The following TUSC3 variants were observed in gnomAD, a reference collection of about 807,000 sequenced individuals.
TUSC3 encodes tumor suppressor candidate 3.
In TUSC3, 45 loss-of-function variants were observed where a neutral mutation model predicts 44.8. The ratio of observed to expected loss-of-function variants is 1.00; its 90% CI spans 0.79 to 1.29. The LOEUF is 1.29. TUSC3 is among the 50% of genes most tolerant of loss of function. The probability of loss-of-function intolerance (pLI) is 0.00; values close to 1 mark genes in which losing one functional copy is unlikely to be tolerated. For synonymous variants in TUSC3, 212 were observed against 152.9 expected, an observed-to-expected ratio of 1.39 and a Z score of -2.85; for missense variants, 519 against 437.9, an observed-to-expected ratio of 1.19 and a Z score of -1.65.
rs1186873286 is a variant in TUSC3, at chr8:15,658,657, C to CACACACAT, written c.427-847_427-846insCACATACA. Among the ~76,000 whole-genome samples, 476 of 150,712 alleles carry CACACACAT rather than the reference C, an allele frequency of 3.2e-3. 3 individuals are homozygous for CACACACAT. The highest frequency in any genetic ancestry group is 0.01 in the African/African-American group (425 of 40,842). ...ATATATATACACACACACACACACA[C>CACACACAT]ACAAATACAATATATATACACATAC... On this transcript the variant is annotated intron_variant, in intron 3 of 10. Coordinates refer to ENST00000503731, the MANE Select transcript of TUSC3 (RefSeq NM_006765.4).
intron 6 of TUSC3, among the ~76,000 whole-genome samples, chr8:15,691,217 C>CT (rs1808885487): frequency 6.6e-6 from 1 of 151,974 alleles, no homozygotes; most frequent in African/African-American, 2.4e-5. Flanking sequence ...TTTCAGAGGT[C>CT]TTTTACCTCC....
intron 2 of TUSC3, among the ~76,000 whole-genome samples, chr8:15,513,908 G>A (rs1453076405): frequency 6.6e-6 from 1 of 152,038 alleles, no homozygotes; most frequent in Non-Finnish European, 1.5e-5. Context: ...CATCTCCTTT[G>A]CCTCATGCCT....
chr8:15,685,474 A>C (rs544815819), intron 6 of TUSC3, among the ~76,000 whole-genome samples: 24 of 152,204 alleles, frequency 1.6e-4, no homozygotes, highest in African/African-American at 5.5e-4. Flanking sequence ...CTGTTTCTAG[A>C]CATCTTGAAG....
chr8:15,661,442 T>C (rs1237263891), intron 4 of TUSC3, among the ~76,000 whole-genome samples: 1 of 152,026 alleles, frequency 6.6e-6, no homozygotes, highest in Non-Finnish European at 1.5e-5. Context: ...GTGATCCTCA[T>C]TTGATCTGCC....
chr8:15,748,359 TTC>T lies in TUSC3; in HGVS notation c.938-14_938-13del. The T allele has an allele frequency of 1.3e-6, 2 of 1,593,040 alleles. No individual in the cohort carries two copies. The highest frequency in any genetic ancestry group is 1.7e-6 in the Non-Finnish European group (2 of 1,161,072). ...CATATTTTTAGACACTAATGGTATTTTCTGTCTGTTTCTAGTAATTTGCCTAG... is the reference window on the plus strand; with the variant it reads ...CATATTTTTAGACACTAATGGTATTTTGTCTGTTTCTAGTAATTTGCCTAG... On this transcript the variant is annotated splice_polypyrimidine_tract_variant and intron_variant, in intron 8 of 10. Transcript: ENST00000503731.
chr8:15,829,511 A>G, the TUSC3 span, among the ~76,000 whole-genome samples: 1 of 152,132 alleles, frequency 6.6e-6, no homozygotes, highest in Admixed American at 6.6e-5. Context: ...GTACAGTTCA[A>G]CATAAATGAG....
chr8:15,775,653 C>CAT, the TUSC3 span, among the ~76,000 whole-genome samples: 2 of 93,118 alleles, frequency 2.1e-5, no homozygotes, highest in African/African-American at 8.3e-5. Flanking sequence ...TATATATACA[C>CAT]ACACATATAC....
intron 2 of TUSC3, among the ~76,000 whole-genome samples, chr8:15,644,946 C>G (rs553285453): frequency 6.6e-6 from 1 of 152,068 alleles, no homozygotes; most frequent in Non-Finnish European, 1.5e-5. Context: ...CCAGAGCTAT[C>G]CCTAAGTATA....
chr8:15,815,024 GT>G, the TUSC3 span, among the ~76,000 whole-genome samples: 1 of 152,172 alleles, frequency 6.6e-6, no homozygotes, highest in African/African-American at 2.4e-5. Flanking sequence ...CAAATTAAAT[GT>G]TTTTAAAGGA....
chr8:15,617,494 C>T (rs1261075847), intron 1 of TUSC3, among the ~76,000 whole-genome samples: 3 of 152,068 alleles, frequency 2.0e-5, no homozygotes, highest in East Asian at 1.9e-4. Context: ...TCCTGTCCAA[C>T]GTCACAATAT....
At chr8:15,564,463 C>T (rs1391844283) in intron 1 of TUSC3, among the ~76,000 whole-genome samples, 1 of 152,126 alleles carries the variant, frequency 6.6e-6, no homozygotes, top group Non-Finnish European at 1.5e-5. Flanking sequence ...AGATACTTAA[C>T]ATCTTTTTAA....
chr8:15,553,762 G>A (rs1802136725), intron 1 of TUSC3, among the ~76,000 whole-genome samples: 1 of 151,760 alleles, frequency 6.6e-6, no homozygotes, highest in Admixed American at 6.6e-5. Flanking sequence ...GAGTTAAGTG[G>A]TGGTAGCTGG....
chr8:15,597,383 A>G (rs1022651262), intron 1 of TUSC3, among the ~76,000 whole-genome samples: 1 of 152,102 alleles, frequency 6.6e-6, no homozygotes, highest in Non-Finnish European at 1.5e-5. Context: ...CCAGTTGGAC[A>G]CTGCATTCTT....
chr8:15,625,059 T>G (rs1805432542), intron 2 of TUSC3, among the ~76,000 whole-genome samples: 1 of 152,208 alleles, frequency 6.6e-6, no homozygotes, highest in Non-Finnish European at 1.5e-5. Flanking sequence ...TGACAGTTTT[T>G]ATCATGAATG....
intron 2 of TUSC3, among the ~76,000 whole-genome samples, chr8:15,523,943 C>G (rs573394041): frequency 1.3e-5 from 2 of 151,002 alleles, no homozygotes; most frequent in African/African-American, 4.9e-5. Flanking sequence ...GTAGTCCCAT[C>G]TACTCGGGAG....
intron 1 of TUSC3, among the ~76,000 whole-genome samples, chr8:15,619,344 A>G (rs1360530567): frequency 6.6e-6 from 1 of 152,202 alleles, no homozygotes; most frequent in Non-Finnish European, 1.5e-5. Flanking sequence ...ATCAAATATA[A>G]TACATGCTTT....
chr8:15,735,699 TTTA>T (rs1175802863), intron 7 of TUSC3, among the ~76,000 whole-genome samples: 2 of 152,112 alleles, frequency 1.3e-5, no homozygotes, highest in African/African-American at 2.4e-5. Context: ...TGATTTATTT[TTTA>T]TTTTTATTTT....
At chr8:15,635,720 G>A (rs1241107967) in intron 2 of TUSC3, among the ~76,000 whole-genome samples, 1 of 152,190 alleles carries the variant, frequency 6.6e-6, no homozygotes, top group Non-Finnish European at 1.5e-5. Flanking sequence ...TAGCATGGCT[G>A]CTGCCCTGCA....
intron 5 of TUSC3, among the ~76,000 whole-genome samples, chr8:15,664,899 C>T (rs1228255704): frequency 6.6e-6 from 1 of 150,848 alleles, no homozygotes; most frequent in Non-Finnish European, 1.5e-5. Flanking sequence ...ATCATTTCTG[C>T]CTGATACCAC....
Sources: gnomAD v4.1 joint callset for allele counts (sites outside exome capture counted in the v4.1 genomes callset) on GRCh38, gnomAD v4.1.1 for gene constraint, MANE v1.5 for transcripts, NCBI Gene and HGNC (gene_info 2026-07-23, HGNC 2026-07-21) for gene names.